The following FGF18 variants were observed in gnomAD, a reference collection of about 807,000 sequenced individuals.
FGF18 encodes the protein fibroblast growth factor 18.
Under a neutral mutation model 23.0 loss-of-function variants are expected in FGF18, and 5 were observed. The ratio of observed to expected loss-of-function variants is 0.22; its 90% CI spans 0.11 to 0.46. The LOEUF (loss-of-function observed/expected upper bound fraction) is 0.46, where lower values mean the gene tolerates loss of function less well. FGF18 is among the 20% of genes least tolerant of loss of function. The pLI is 0.99. For missense variants in FGF18, 180 were observed against 291.6 expected (o/e 0.62, Z 2.79); for synonymous variants, 117 against 118.9 (o/e 0.98, Z 0.10).
At chr5:171,445,998 C>CT (rs1772413906) in intron 3 of FGF18, among the ~76,000 whole-genome samples, 1 of 152,140 alleles carries the variant, frequency 6.6e-6, no homozygotes, top group Non-Finnish European at 1.5e-5. Flanking sequence ...TCTCCTGTCT[C>CT]TCTCTCTCTG....
intron 4 of FGF18, among the ~76,000 whole-genome samples, chr5:171,452,053 G>A (rs966633684): frequency 3.3e-5 from 5 of 152,170 alleles, no homozygotes; most frequent in South Asian, 2.1e-4. Flanking sequence ...AAAGGGCTCC[G>A]GGGGCACCAA....
Position 171,420,168 on chromosome 5 carries a change from G to A in FGF18, c.-32G>A. ...CGCGGAGCGGACATGTGCAGGCTGG[G>A]CTAGGAGCCGCCGCCTCCCTCCCGC... On this transcript the variant is annotated 5_prime_UTR_variant, in exon 1 of 5. Transcript: ENST00000274625. The A allele has an allele frequency of 6.5e-7, 1 of 1,534,140 alleles. No homozygotes were observed. Among genetic ancestry groups the A allele is most frequent in the Non-Finnish European group, 8.7e-7 (1 of 1,145,376 alleles).
intron 3 of FGF18, among the ~76,000 whole-genome samples, chr5:171,438,197 G>A: frequency 6.6e-6 from 1 of 151,444 alleles, no homozygotes; most frequent in South Asian, 2.1e-4. Context: ...TGCCTCCTGG[G>A]TTCAAGCGAT....
Position 171,453,921 on chromosome 5 carries a change from G to A in FGF18, c.358-2618G>A, listed in dbSNP as rs76475729. On this transcript the variant is annotated intron_variant, in intron 4 of 4. Transcript: ENST00000274625. ...AACCCCTTTCATGTGTCATCCCACC[G>A]TTTCCATCCTAATGAAAATGCGTTC... is the stretch of plus-strand genomic sequence containing the variant. Among the ~76,000 whole-genome samples, 529 of 152,030 alleles carry A rather than the reference G, an allele frequency of 3.5e-3. 5 individuals are homozygous for A. Among genetic ancestry groups the A allele is most frequent in the African/African-American group, 0.012 (513 of 41,468 alleles).
Position 171,436,323 on chromosome 5 carries a change from T to A in FGF18, c.250+50T>A, listed in dbSNP as rs1772246098. Reference sequence around the variant, plus strand: ...CTCCGTGTACCCGTGTACATGTCCTTCCTGGCCTCAGAGACCTCAAGTTCA... The same window carrying A: ...CTCCGTGTACCCGTGTACATGTCCTACCTGGCCTCAGAGACCTCAAGTTCA... On this transcript the variant is annotated intron_variant, in intron 3 of 4. Coordinates refer to ENST00000274625, the MANE Select transcript of FGF18 (RefSeq NM_003862.3). This position sits in a 1 kb window ranked among gnomAD's most constrained non-coding sequence, Gnocchi z 4.4. The A allele has an allele frequency of 4.4e-6, 6 of 1,371,398 alleles. No individual in the cohort carries two copies. Among genetic ancestry groups the A allele is most frequent in the Non-Finnish European group, 5.7e-6 (6 of 1,043,786 alleles). 85.0% of individuals were successfully genotyped at this position (1,371,398 alleles called of 1,614,324 possible).
intron 3 of FGF18, among the ~76,000 whole-genome samples, chr5:171,444,158 T>C (rs1315761232): frequency 1.3e-5 from 2 of 152,090 alleles, no homozygotes; most frequent in Non-Finnish European, 2.9e-5. Flanking sequence ...AAGGTGGACA[T>C]CCCCATCCAC....
chr5:171,426,429 G>A (rs146929060), intron 2 of FGF18, among the ~76,000 whole-genome samples: 15 of 152,254 alleles, frequency 9.9e-5, no homozygotes, highest in African/African-American at 3.6e-4. Context: ...AGTGCATGGA[G>A]GGGAGGGCTG....
At chr5:171,427,602 G>C (rs1772113565) in intron 2 of FGF18, among the ~76,000 whole-genome samples, 1 of 152,198 alleles carries the variant, frequency 6.6e-6, no homozygotes, top group Non-Finnish European at 1.5e-5. Flanking sequence ...CTGTTGGTAG[G>C]AGTAATTGAT....
At chr5:171,441,255 C>T (rs560328539) in intron 3 of FGF18, among the ~76,000 whole-genome samples, 5 of 152,292 alleles carry the variant, frequency 3.3e-5, no homozygotes, top group African/African-American at 1.2e-4. Context: ...GGTCCATTTT[C>T]CACACGCATC....
chr5:171,431,121 A>C (rs1181831216), intron 2 of FGF18, among the ~76,000 whole-genome samples: 2 of 152,168 alleles, frequency 1.3e-5, no homozygotes, highest in African/African-American at 2.4e-5. Flanking sequence ...GGAGAGGCTA[A>C]AATCTTCAAG....
intron 4 of FGF18, among the ~76,000 whole-genome samples, chr5:171,453,761 C>T (rs1036418035): frequency 2.0e-5 from 3 of 152,116 alleles, no homozygotes; most frequent in East Asian, 1.9e-4. Flanking sequence ...ACCAAGTGTG[C>T]GAGACAATTT....
At chr5:171,429,936 G>GGCAGGCGAGGGCAAA (rs1370671494) in intron 2 of FGF18, among the ~76,000 whole-genome samples, 1 of 152,228 alleles carries the variant, frequency 6.6e-6, no homozygotes, top group Non-Finnish European at 1.5e-5. Context: ...GGAGAACAGT[G>GGCAGGCGAGGGCAAA]GCAGGCGAGG....
intron 4 of FGF18, among the ~76,000 whole-genome samples, chr5:171,455,433 A>G (rs974382514): frequency 2.6e-5 from 4 of 152,244 alleles, no homozygotes; most frequent in Admixed American, 2.6e-4. Context: ...ATGCAAATCT[A>G]TCAGGACTCA....
intron 2 of FGF18, among the ~76,000 whole-genome samples, chr5:171,423,441 G>A (rs1304765772): frequency 1.3e-5 from 2 of 152,326 alleles, no homozygotes; most frequent in East Asian, 3.9e-4. Context: ...CATTGTTCCT[G>A]CCGCCAGGCT....
Position 171,420,168 on chromosome 5 carries a change from G to C in FGF18, c.-32G>C. ...CGCGGAGCGGACATGTGCAGGCTGG[G>C]CTAGGAGCCGCCGCCTCCCTCCCGC... is the stretch of plus-strand genomic sequence containing the variant. On this transcript the variant is annotated 5_prime_UTR_variant, in exon 1 of 5. Coordinates refer to ENST00000274625, the MANE Select transcript of FGF18 (RefSeq NM_003862.3). The C allele has an allele frequency of 6.5e-7, 1 of 1,534,140 alleles. No individual in the cohort carries two copies. The highest frequency in any genetic ancestry group is 8.7e-7 in the Non-Finnish European group (1 of 1,145,376).
In FGF18 at chr5:171,419,728, G is replaced by T. The variant is rs1161323434; in HGVS notation, c.-472G>T. ...GGCGCCCAGACGGAGCGGCCGTGAC[G>T]CTTTCGCGCTGCAGCCGCGCGCCCC... On this transcript the variant is annotated 5_prime_UTR_variant, in exon 1 of 5. Transcript: ENST00000274625. 1 of 151,526 alleles carries T rather than the reference G, an allele frequency of 6.6e-6. No individual in the cohort carries two copies. Among genetic ancestry groups the T allele is most frequent in the African/African-American group, 2.4e-5 (1 of 41,368 alleles). 9.4% of individuals were successfully genotyped at this position (151,526 alleles called of 1,614,324 possible). A position where few individuals can be genotyped will look rare whatever the true frequency, so the allele number is the denominator to read the frequency against.
intron 2 of FGF18, among the ~76,000 whole-genome samples, chr5:171,430,651 G>A (rs1349810340): frequency 6.7e-5 from 10 of 148,562 alleles, no homozygotes; most frequent in Non-Finnish European, 1.0e-4. Flanking sequence ...AGCCGGGCGC[G>A]GTGGCGGGCG....
Position 171,451,241 on chromosome 5 carries a change from C to T in FGF18, c.357+1988C>T, listed in dbSNP as rs1052553819. ...CCGGCCCCGGCCCCCGGCGCCTCCCCCGCTCCCGCCCAGGCCTCCACGCCC... is the reference window on the plus strand; with the variant it reads ...CCGGCCCCGGCCCCCGGCGCCTCCCTCGCTCCCGCCCAGGCCTCCACGCCC... On this transcript the variant is annotated intron_variant, in intron 4 of 4. Coordinates refer to ENST00000274625, the MANE Select transcript of FGF18 (RefSeq NM_003862.3). The surrounding 1 kb of genome is among the most constrained non-coding windows in gnomAD (Gnocchi z 4.5). 1.9e-4 allele frequency among the ~76,000 whole-genome samples: 29 copies of T among 152,256 alleles called. No individual in the cohort carries two copies. The highest frequency in any genetic ancestry group is 7.0e-4 in the African/African-American group (29 of 41,576).
intron 4 of FGF18, 116 bp downstream of exon 4, chr5:171,449,369 G>A: frequency 2.3e-6 from 1 of 438,830 alleles, no homozygotes; most frequent in Non-Finnish European, 4.3e-6. Flanking sequence ...CCGTGTGTGT[G>A]TGTGTGTGTG....
Sources: allele counts gnomAD v4.1 joint callset (sites outside exome capture counted in the v4.1 genomes callset), GRCh38; gene constraint gnomAD v4.1.1; non-coding constraint Gnocchi (gnomAD v3.1); transcripts MANE v1.5; gene names NCBI Gene and HGNC (gene_info 2026-07-23, HGNC 2026-07-21).